The following CCBE1 variants were observed in gnomAD, a reference collection of about 807,000 sequenced individuals.
CCBE1 encodes collagen and calcium binding EGF domains 1, also known as collagen and calcium-binding EGF domain-containing protein 1.
CCBE1 carries 37 observed loss-of-function variants against 50.0 expected under a neutral mutation model. That is an observed-to-expected ratio of 0.74 (90% confidence interval 0.57 to 0.97). The LOEUF (loss-of-function observed/expected upper bound fraction) is 0.97. Among genes scored for constraint, CCBE1 ranks in the 50% least tolerant of loss-of-function variants. CCBE1 has a pLI of 0.00. For missense variants in CCBE1, 538 were observed against 523.8 expected, an observed-to-expected ratio of 1.03 and a Z score of -0.26; for synonymous variants, 234 against 203.7, an observed-to-expected ratio of 1.15 and a Z score of -1.27.
chr18:59,615,916 T>C (rs1347441444), intron 2 of CCBE1, among the ~76,000 whole-genome samples: 4 of 152,190 alleles, frequency 2.6e-5, no homozygotes, highest in Admixed American at 6.5e-5. Context: ...AAGGGGACTA[T>C]TATTAAACCT....
chr18:59,582,864 G>A (rs2053105484), intron 2 of CCBE1, among the ~76,000 whole-genome samples: 1 of 152,200 alleles, frequency 6.6e-6, no homozygotes, highest in Non-Finnish European at 1.5e-5. Flanking sequence ...CCAGGCTGAA[G>A]TGCAGTGGCA....
chr18:59,674,234 A>G (rs547792385), intron 2 of CCBE1, among the ~76,000 whole-genome samples: 3 of 152,374 alleles, frequency 2.0e-5, no homozygotes, highest in East Asian at 1.9e-4. Context: ...CCAAATGCCC[A>G]TCAATGACAG....
intron 2 of CCBE1, among the ~76,000 whole-genome samples, chr18:59,561,330 G>A (rs748564301): frequency 1.4e-4 from 21 of 152,154 alleles, no homozygotes; most frequent in Non-Finnish European, 2.5e-4. Context: ...CCAAAATTAC[G>A]TCAGGCCTGT....
At chr18:59,663,555 G>T (rs1428592284) in intron 2 of CCBE1, among the ~76,000 whole-genome samples, 3 of 152,062 alleles carry the variant, frequency 2.0e-5, no homozygotes, top group Non-Finnish European at 4.4e-5. Flanking sequence ...TGTAGTTATG[G>T]ATTGATGTCA....
intron 2 of CCBE1, among the ~76,000 whole-genome samples, chr18:59,604,410 G>A (rs2053469729): frequency 6.6e-6 from 1 of 152,150 alleles, no homozygotes; most frequent in African/African-American, 2.4e-5. Context: ...GGGGTAGGAG[G>A]ACACATAGAA....
intron 2 of CCBE1, among the ~76,000 whole-genome samples, chr18:59,539,184 A>C (rs183882433): frequency 0.025 from 3,318 of 133,562 alleles, 133 homozygotes; most frequent in African/African-American, 0.088. Flanking sequence ...ATATTTAAAA[A>C]ACACACACAC....
At chr18:59,593,159 C>T (rs1278622506) in intron 2 of CCBE1, among the ~76,000 whole-genome samples, 1 of 152,090 alleles carries the variant, frequency 6.6e-6, no homozygotes. Flanking sequence ...AAGCATGTGA[C>T]TTATACTAAG....
At chr18:59,443,523 G>A (rs1328043954) in intron 7 of CCBE1, among the ~76,000 whole-genome samples, 1 of 150,976 alleles carries the variant, frequency 6.6e-6, no homozygotes, top group Non-Finnish European at 1.5e-5. Flanking sequence ...CTGGAGTGCA[G>A]TGGTGCAATC....
chr18:59,612,675 A>G (rs968197761), intron 2 of CCBE1, among the ~76,000 whole-genome samples: 6 of 152,220 alleles, frequency 3.9e-5, no homozygotes, highest in African/African-American at 1.4e-4. Context: ...AATGGAGCCA[A>G]GATGCAAACC....
intron 2 of CCBE1, among the ~76,000 whole-genome samples, chr18:59,575,667 T>C (rs751747762): frequency 6.6e-6 from 1 of 152,232 alleles, no homozygotes; most frequent in Non-Finnish European, 1.5e-5. Flanking sequence ...AAAGTTCTCA[T>C]TTCATGCAGT....
chr18:59,635,678 A>G (rs1482050653), intron 2 of CCBE1, among the ~76,000 whole-genome samples: 1 of 152,158 alleles, frequency 6.6e-6, no homozygotes, highest in Non-Finnish European at 1.5e-5. Flanking sequence ...GTAACCCACT[A>G]ATATCTGCAA....
intron 2 of CCBE1, among the ~76,000 whole-genome samples, chr18:59,652,368 T>G (rs1319211838): frequency 1.3e-5 from 2 of 152,328 alleles, no homozygotes; most frequent in East Asian, 3.9e-4. Context: ...CCGTTGGGAC[T>G]CTGCCACTTA....
intron 2 of CCBE1, among the ~76,000 whole-genome samples, chr18:59,590,458 C>T (rs1261506809): frequency 6.6e-6 from 1 of 152,164 alleles, no homozygotes; most frequent in South Asian, 2.1e-4. Context: ...TTATAAATTT[C>T]AATAAAATTA....
At chr18:59,678,086 G>A (rs866338423) in intron 2 of CCBE1, among the ~76,000 whole-genome samples, 9 of 152,206 alleles carry the variant, frequency 5.9e-5, no homozygotes, top group South Asian at 2.1e-4. Flanking sequence ...GGTTGTAAGC[G>A]GGTGCGGTAG....
chr18:59,464,403 T>C (rs1404659536), intron 5 of CCBE1, among the ~76,000 whole-genome samples: 1 of 152,106 alleles, frequency 6.6e-6, no homozygotes, highest in Non-Finnish European at 1.5e-5. Flanking sequence ...ACTCCAGCAC[T>C]CCAGCCTGGG....
chr18:59,503,357 G>GA (rs11406539), intron 2 of CCBE1, among the ~76,000 whole-genome samples: 51,258 of 152,082 alleles, frequency 0.34, 9,162 homozygotes, highest in East Asian at 0.5. Flanking sequence ...GTATCACAGA[G>GA]GGCATTATGC....
intron 2 of CCBE1, among the ~76,000 whole-genome samples, chr18:59,688,748 A>G (rs1484095327): frequency 6.6e-6 from 1 of 152,230 alleles, no homozygotes; most frequent in Non-Finnish European, 1.5e-5. Flanking sequence ...AGCTCAACAA[A>G]AACTATGATT....
At chr18:59,587,314 T>C (rs761201023) in intron 2 of CCBE1, among the ~76,000 whole-genome samples, 2 of 152,226 alleles carry the variant, frequency 1.3e-5, no homozygotes, top group African/African-American at 2.4e-5. Context: ...CTTGGGTTTA[T>C]TTCAGGAATG....
At chr18:59,534,224 A>G (rs1598987279) in intron 2 of CCBE1, among the ~76,000 whole-genome samples, 2 of 152,262 alleles carry the variant, frequency 1.3e-5, no homozygotes, top group South Asian at 4.1e-4. Flanking sequence ...ACCGACCTCA[A>G]AATAACACAC....
Sources: gnomAD v4.1 joint callset for allele counts (sites outside exome capture counted in the v4.1 genomes callset) on GRCh38, gnomAD v4.1.1 for gene constraint, MANE v1.5 for transcripts, NCBI Gene and HGNC (gene_info 2026-07-23, HGNC 2026-07-21) for gene names.